The following TTC7B variants were observed in gnomAD, a reference collection of about 807,000 sequenced individuals.
The protein encoded by TTC7B is tetratricopeptide repeat protein 7B.
A neutral mutation model predicts 106.8 loss-of-function variants in TTC7B; 28 were observed. The observed-to-expected ratio is 0.26, with a 90% confidence interval of 0.19 to 0.36. The LOEUF (loss-of-function observed/expected upper bound fraction) is 0.36, where lower values mean the gene tolerates loss of function less well. Among genes scored for constraint, TTC7B ranks in the 10% least tolerant of loss-of-function variants. The pLI, the probability that TTC7B is intolerant of heterozygous loss-of-function variation, is 1.00. For synonymous variants in TTC7B, 405 were observed against 430.6 expected (o/e 0.94, Z 0.74); for missense variants, 862 against 1,076.4 (o/e 0.80, Z 2.79).
Position 90,757,354 on chromosome 14 carries a change from G to C in TTC7B, c.446-12432C>G, listed in dbSNP as rs1018551224. Among the ~76,000 whole-genome samples, 2 of 152,184 alleles carry C rather than the reference G, an allele frequency of 1.3e-5. No individual in the cohort carries two copies. Among genetic ancestry groups the C allele is most frequent in the African/African-American group, 4.8e-5 (2 of 41,426 alleles). ...AGCACTTTGGGAGGACAAGGTAGGA[G>C]TATCATTTGAGCCCAGGAGTTTGGG... On this transcript the variant is annotated intron_variant, in intron 3 of 19. Coordinates refer to ENST00000328459, the MANE Select transcript of TTC7B (RefSeq NM_001010854.2). This position sits in a 1 kb window ranked among gnomAD's most constrained non-coding sequence, Gnocchi z 4.1.
In TTC7B at chr14:90,585,963, G is replaced by A. The variant is rs149771313; in HGVS notation, c.2107+7523C>T. Among the ~76,000 whole-genome samples the A allele has an allele frequency of 2.9e-3, 436 of 152,292 alleles. 4 individuals are homozygous for A. Among genetic ancestry groups the A allele is most frequent in the East Asian group, 0.021 (107 of 5,190 alleles). On this transcript the variant is annotated intron_variant, in intron 18 of 19. Transcript: ENST00000328459. ...CAACCTCTCAGCGGCACTGCCCACC[G>A]GCCACATCCTCCTTAAAAATCGTTA...
Position 90,525,752 on chromosome 14 carries a change from T to C in TTC7B, c.*15616A>G, listed in dbSNP as rs989149064. The C allele has an allele frequency of 2.0e-5, 3 of 148,186 alleles. No homozygotes were observed. Among genetic ancestry groups the C allele is most frequent in the Non-Finnish European group, 4.5e-5 (3 of 67,152 alleles). The allele number at this position is 148,186 out of a possible 1,614,324, so 9.2% of individuals were successfully genotyped here. The stretch of plus-strand genomic sequence containing the variant: ...TGGAGCCCGAATAATACAATAAGAA[T>C]AAAACCCAACGACAAAGGCCCTCTC... On this transcript the variant is annotated 3_prime_UTR_variant, in exon 20 of 20. Transcript: ENST00000328459.
In TTC7B at chr14:90,744,955, A is replaced by G. The variant is rs990378629; in HGVS notation, c.446-33T>C. On this transcript the variant is annotated intron_variant, in intron 3 of 19. Transcript: ENST00000328459. ...AAATATCAGACACAAAAACTGAGTG[A>G]ATTTTTTTTCATAAGGCTTCATTTT... is the stretch of plus-strand genomic sequence containing the variant. The G allele has an allele frequency of 1.9e-6, 3 of 1,609,842 alleles. No individual in the cohort carries two copies. In the African/African-American group the frequency reaches 4.0e-5, roughly 22 times the overall value.
At chr14:90,770,601 C>T (rs140793991) in intron 3 of TTC7B, among the ~76,000 whole-genome samples, 4 of 150,806 alleles carry the variant, frequency 2.7e-5, no homozygotes, top group African/African-American at 7.3e-5. Context: ...TGCGGTGAGC[C>T]GAGATCACGC....
At chr14:90,613,133 T>C (rs1046722824) in intron 16 of TTC7B, among the ~76,000 whole-genome samples, 2 of 152,248 alleles carry the variant, frequency 1.3e-5, no homozygotes, top group African/African-American at 2.4e-5. Flanking sequence ...CAATGGTTCA[T>C]GCCTGTCATC....
chr14:90,686,372 T>G (rs1887252427), intron 7 of TTC7B, among the ~76,000 whole-genome samples: 1 of 152,188 alleles, frequency 6.6e-6, no homozygotes, highest in Non-Finnish European at 1.5e-5. Flanking sequence ...AACACCATAC[T>G]CTGTGAAAGA....
rs1891864857 is a variant in TTC7B, at chr14:90,589,494, G to A, written c.2107+3992C>T. 2.0e-5 allele frequency among the ~76,000 whole-genome samples: 3 copies of A among 152,170 alleles called. No homozygotes were observed. The South Asian group carries it at 6.2e-4, about 31-fold the overall frequency. On this transcript the variant is annotated intron_variant, in intron 18 of 19. Transcript: ENST00000328459. ...ATTTAAATAGTTCTTATACTGTATT[G>A]TTTAGGGAATAATGACAAGAAGACA...
rs1890990030 is a variant in TTC7B, at chr14:90,570,538, C to T, written c.2310+7568G>A. On this transcript the variant is annotated intron_variant, in intron 19 of 19. Transcript: ENST00000328459. This position sits in a 1 kb window ranked among gnomAD's most constrained non-coding sequence, Gnocchi z 4.0. ...AACCAGGGCCCTGGCTCTGCAGAAACAGGCAGCAAGTCACACTCAAAAGCG... is the reference window on the plus strand; with the variant it reads ...AACCAGGGCCCTGGCTCTGCAGAAATAGGCAGCAAGTCACACTCAAAAGCG... 6.6e-6 allele frequency among the ~76,000 whole-genome samples: 1 copy of T among 152,186 alleles called. No individual in the cohort carries two copies. The highest frequency in any genetic ancestry group is 1.5e-5 in the Non-Finnish European group (1 of 68,040).
chr14:90,584,781 C>T (rs1419396210), intron 18 of TTC7B, among the ~76,000 whole-genome samples: 1 of 152,096 alleles, frequency 6.6e-6, no homozygotes, highest in Non-Finnish European at 1.5e-5. Flanking sequence ...CTGACCCTGC[C>T]TCCCTAAAGA....
intron 17 of TTC7B, among the ~76,000 whole-genome samples, chr14:90,595,093 G>A (rs1892150510): frequency 6.6e-6 from 1 of 152,182 alleles, no homozygotes; most frequent in Non-Finnish European, 1.5e-5. Flanking sequence ...CAGCACTTTG[G>A]GAGGCCGAGG....
At chr14:90,672,638 C>A (rs1328578338) in intron 9 of TTC7B, among the ~76,000 whole-genome samples, 1 of 152,236 alleles carries the variant, frequency 6.6e-6, no homozygotes, top group Non-Finnish European at 1.5e-5. Context: ...AACTCTGCTG[C>A]AATTGGCCTA....
At chr14:90,642,349 A>G (rs1482583868) in intron 15 of TTC7B, among the ~76,000 whole-genome samples, 1 of 152,240 alleles carries the variant, frequency 6.6e-6, no homozygotes, top group Non-Finnish European at 1.5e-5. Context: ...CAATTTTCCA[A>G]GGAGAGCTGC....
At chr14:90,567,969 A>T (rs1890868313) in intron 19 of TTC7B, among the ~76,000 whole-genome samples, 1 of 152,206 alleles carries the variant, frequency 6.6e-6, no homozygotes, top group Admixed American at 6.5e-5. Flanking sequence ...TCCAGATCAC[A>T]CGTGGGGTTG....
In TTC7B at chr14:90,578,717, C is replaced by T. The variant is rs1891365130; in HGVS notation, c.2108-409G>A. On this transcript the variant is annotated intron_variant, in intron 18 of 19. Coordinates refer to ENST00000328459, the MANE Select transcript of TTC7B (RefSeq NM_001010854.2). This position sits in a 1 kb window ranked among gnomAD's most constrained non-coding sequence, Gnocchi z 4.7. The stretch of plus-strand genomic sequence containing the variant: ...CAAGGGCACAAGCAGACCAGAGGCA[C>T]CCAGACCCTCAGAGGGCAACGGCTC... Among the ~76,000 whole-genome samples the T allele has an allele frequency of 6.6e-6, 1 of 151,950 alleles. No homozygotes were observed. Among genetic ancestry groups the T allele is most frequent in the Non-Finnish European group, 1.5e-5 (1 of 68,008 alleles).
intron 19 of TTC7B, among the ~76,000 whole-genome samples, chr14:90,549,127 CAAA>C (rs34890535): frequency 5.8e-5 from 6 of 103,592 alleles, no homozygotes; most frequent in African/African-American, 6.8e-5. Context: ...GACTCCGTCT[CAAA>C]AAAAAAAAAA....
chr14:90,798,445 A>C (rs568391938), intron 1 of TTC7B, among the ~76,000 whole-genome samples: 34 of 152,284 alleles, frequency 2.2e-4, no homozygotes, highest in African/African-American at 7.9e-4. Context: ...GTGTGTAAAA[A>C]ACAATAGGCC....
chr14:90,773,688 A>G (rs1890935521), intron 3 of TTC7B, among the ~76,000 whole-genome samples: 1 of 152,182 alleles, frequency 6.6e-6, no homozygotes, highest in Admixed American at 6.5e-5. Flanking sequence ...AAATGGGACT[A>G]ACACTGAACT....
At chr14:90,646,866 CA>C in intron 14 of TTC7B, 84 bp downstream of exon 14, 1 of 1,238,730 alleles carries the variant, frequency 8.1e-7, no homozygotes, top group South Asian at 1.2e-5. Flanking sequence ...AAAGGAAGAT[CA>C]CCTACCACTT....
rs1374537531 is a variant in TTC7B, at chr14:90,816,412, C to T, written c.-117G>A. The T allele has an allele frequency of 1.9e-6, 1 of 516,228 alleles. No homozygotes were observed. Among genetic ancestry groups the T allele is most frequent in the Non-Finnish European group, 2.5e-6 (1 of 405,030 alleles). 32.0% of individuals were successfully genotyped at this position (516,228 alleles called of 1,614,324 possible). ...CGGGCTCCGGCTCCCGGCTCCGCGG[C>T]GTAACGGGAGCGCCGGCTGGGGAAG... is the stretch of plus-strand genomic sequence containing the variant. On this transcript the variant is annotated 5_prime_UTR_variant, in exon 1 of 20. Coordinates refer to ENST00000328459, the MANE Select transcript of TTC7B (RefSeq NM_001010854.2).
Sources: allele counts gnomAD v4.1 joint callset (sites outside exome capture counted in the v4.1 genomes callset), GRCh38; gene constraint gnomAD v4.1.1; non-coding constraint Gnocchi (gnomAD v3.1); transcripts MANE v1.5; gene names NCBI Gene and HGNC (gene_info 2026-07-23, HGNC 2026-07-21).